CNTLN: variants seen among roughly 807,000 people sequenced by gnomAD.
CNTLN encodes the protein centlein.
Under a neutral mutation model 180.0 loss-of-function variants are expected in CNTLN, and 212 were observed. The ratio of observed to expected loss-of-function variants is 1.18; its 90% CI spans 1.05 to 1.32. The LOEUF is 1.32. CNTLN is among the 40% of genes most tolerant of loss of function. CNTLN has a pLI of 0.00. For missense variants in CNTLN, 2,095 were observed against 1,610.9 expected (o/e 1.30, Z -5.14); for synonymous variants, 722 against 563.1 (o/e 1.28, Z -3.99).
At chr9:17,395,882 G>T (rs1158703687) in intron 15 of CNTLN, among the ~76,000 whole-genome samples, 1 of 152,136 alleles carries the variant, frequency 6.6e-6, no homozygotes, top group African/African-American at 2.4e-5. Context: ...AAACCTGCTG[G>T]GCTGCATTTC....
intron 7 of CNTLN, chr9:17,300,971 A>G (rs1818303419): frequency 1.0e-6 from 1 of 982,352 alleles, no homozygotes; most frequent in South Asian, 4.7e-5. Context: ...AGTTGATAGC[A>G]GACATTAAAT....
chr9:17,519,409 T>A, the CNTLN span, among the ~76,000 whole-genome samples: 1 of 152,200 alleles, frequency 6.6e-6, no homozygotes, highest in Non-Finnish European at 1.5e-5. Flanking sequence ...TGTTTTAAAA[T>A]GTAATTAAAT....
At chr9:17,441,477 G>A (rs554637985) in intron 18 of CNTLN, among the ~76,000 whole-genome samples, 8 of 151,948 alleles carry the variant, frequency 5.3e-5, no homozygotes, top group African/African-American at 1.4e-4. Context: ...ATGTTGTTAT[G>A]AGCTTAAAAG....
At chr9:17,349,237 T>C (rs989823898) in intron 12 of CNTLN, among the ~76,000 whole-genome samples, 3 of 152,308 alleles carry the variant, frequency 2.0e-5, no homozygotes, top group African/African-American at 2.4e-5. Context: ...TAGAGATAAA[T>C]ACATCTACTC....
chr9:17,207,668 A>C (rs999292707), intron 2 of CNTLN, among the ~76,000 whole-genome samples: 1 of 151,554 alleles, frequency 6.6e-6, no homozygotes, highest in Non-Finnish European at 1.5e-5. Context: ...CGTGCTTTGT[A>C]CCTACTGCTT....
At chr9:17,366,244 G>C (rs151131844) in intron 12 of CNTLN, among the ~76,000 whole-genome samples, 50 of 152,180 alleles carry the variant, frequency 3.3e-4, no homozygotes, top group African/African-American at 9.6e-4. Context: ...TGCTGCCTCA[G>C]CATCCCAAGT....
chr9:17,359,731 A>C (rs1336047021), intron 12 of CNTLN, among the ~76,000 whole-genome samples: 1 of 99,284 alleles, frequency 1.0e-5, no homozygotes, highest in African/African-American at 4.1e-5. Context: ...AATACAAAAA[A>C]AAAAAAAAAA....
chr9:17,200,782 G>A (rs573058870), intron 2 of CNTLN, among the ~76,000 whole-genome samples: 1 of 151,806 alleles, frequency 6.6e-6, no homozygotes, highest in African/African-American at 2.4e-5. Flanking sequence ...CATCTGCAGA[G>A]ACAATTTGAC....
chr9:17,306,361 C>T (rs1003214314), intron 7 of CNTLN, among the ~76,000 whole-genome samples: 3 of 152,088 alleles, frequency 2.0e-5, no homozygotes, highest in African/African-American at 7.2e-5. Flanking sequence ...GTTGGTGAGG[C>T]TGGTCTTGAA....
Position 17,394,902 on chromosome 9 carries a change from T to C in CNTLN, c.2448T>C (p.Ser816=). 6.2e-7 allele frequency: 1 copy of C among 1,614,106 alleles called. No homozygotes were observed. The highest frequency in any genetic ancestry group is 8.5e-7 in the Non-Finnish European group (1 of 1,179,984). ...AGATGGCCACCATGAAAGTGAGATC[T>C]GGACGATATGATTGTAAGACAACTA... is the stretch of plus-strand genomic sequence containing the variant. The part of the protein sequence containing the change: ...KSEMATMKVR[S]GRYDCKTTMT... The change falls in exon 15 of 26, where the codon TCT becomes TCC. Residue 816 remains serine, a synonymous_variant. Transcript: ENST00000380647.
intron 7 of CNTLN, among the ~76,000 whole-genome samples, chr9:17,306,712 G>A (rs1371981671): frequency 6.6e-6 from 1 of 152,134 alleles, no homozygotes; most frequent in African/African-American, 2.4e-5. Context: ...GCACTTATCA[G>A]TGTCCATGAG....
intron 2 of CNTLN, among the ~76,000 whole-genome samples, chr9:17,152,164 G>A (rs1290423713): frequency 6.6e-6 from 1 of 152,070 alleles, no homozygotes; most frequent in African/African-American, 2.4e-5. Flanking sequence ...ATTTCCTTCA[G>A]TTTTGCTCTG....
At chr9:17,215,037 C>A (rs760868256) in intron 2 of CNTLN, among the ~76,000 whole-genome samples, 1 of 152,158 alleles carries the variant, frequency 6.6e-6, no homozygotes, top group Non-Finnish European at 1.5e-5. Context: ...TTGTCTGAAG[C>A]CTTCTTTTCT....
intron 8 of CNTLN, among the ~76,000 whole-genome samples, chr9:17,317,779 A>G (rs993598915): frequency 1.3e-5 from 2 of 152,166 alleles, no homozygotes; most frequent in Non-Finnish European, 2.9e-5. Context: ...ATGAAGCAGG[A>G]GCTTGCCTAG....
At position 17,298,191 on chromosome 9, in the gene CNTLN, A is replaced by G; in HGVS notation, c.985A>G (p.Lys329Glu). 1 of 1,492,402 alleles carries G rather than the reference A, an allele frequency of 6.7e-7. No individual in the cohort carries two copies. The highest frequency in any genetic ancestry group is 8.9e-7 in the Non-Finnish European group (1 of 1,119,724). The allele number at this position is 1,492,402 out of a possible 1,614,324, so 92.4% of individuals were successfully genotyped here. ...QKDMDITLVR[K>E]ELQELQNLYK... ...CTATTTATTGCTTGCTTTGCACAGG[A>G]AGGAACTGCAGGAGCTGCAGAATCT... is the stretch of plus-strand genomic sequence containing the variant. Residue 329 changes from lysine to glutamate, a missense_variant and splice_region_variant, in exon 7 of 26, where the codon AAG becomes GAG. Coordinates refer to ENST00000380647, the MANE Select transcript of CNTLN (RefSeq NM_017738.4).
chr9:17,289,105 C>T (rs1358555279), intron 6 of CNTLN, among the ~76,000 whole-genome samples: 1 of 122,888 alleles, frequency 8.1e-6, no homozygotes, highest in Non-Finnish European at 1.6e-5. Context: ...TCCTAGTCTC[C>T]ATGGTCTTTA....
intron 25 of CNTLN, among the ~76,000 whole-genome samples, chr9:17,487,482 C>T (rs1832950299): frequency 6.6e-6 from 1 of 152,126 alleles, no homozygotes; most frequent in South Asian, 2.1e-4. Flanking sequence ...TTCATGTTTT[C>T]CTCACAGCCA....
At chr9:17,238,657 T>C (rs1266117952) in intron 5 of CNTLN, among the ~76,000 whole-genome samples, 3 of 152,208 alleles carry the variant, frequency 2.0e-5, no homozygotes, top group Admixed American at 1.3e-4. Flanking sequence ...CTGGTCTTCA[T>C]TTCCAACATC....
chr9:17,354,760 C>T (rs7872831), intron 12 of CNTLN, among the ~76,000 whole-genome samples: 90,706 of 151,762 alleles, frequency 0.6, 27,365 homozygotes, highest in East Asian at 0.73. Flanking sequence ...GCTGCCCGAG[C>T]CAGCGTTGGC....
Sources: allele counts gnomAD v4.1 joint callset (sites outside exome capture counted in the v4.1 genomes callset), GRCh38; gene constraint gnomAD v4.1.1; transcripts MANE v1.5; gene names NCBI Gene and HGNC (gene_info 2026-07-23, HGNC 2026-07-21).